The following LPCAT1 variants were observed in gnomAD, a reference collection of about 807,000 sequenced individuals.
The protein encoded by LPCAT1 is lysophosphatidylcholine acyltransferase 1, also known as 1-acylglycerol-3-phosphate O-acyltransferase.
Under a neutral mutation model 60.9 loss-of-function variants are expected in LPCAT1, and 23 were observed. The observed-to-expected ratio is 0.38, with a 90% CI of 0.27 to 0.53. LPCAT1 has a LOEUF of 0.53. Ranked by LOEUF, LPCAT1 falls within the 20% of genes least tolerant of loss-of-function variation. The pLI is 0.82. For missense variants in LPCAT1, 622 were observed against 723.6 expected (o/e 0.86, Z 1.61); for synonymous variants, 340 against 301.1 (o/e 1.13, Z -1.34).
Position 1,473,975 on chromosome 5 carries a change from C to T in LPCAT1, c.1161G>A (p.Met387Ile). ...EVPVSDLLEDMFSLFDESGSG... is the reference protein window; with the variant it reads ...EVPVSDLLEDIFSLFDESGSG... ...GCCCTACCTCGTCGAACAGTGAAAA[C>T]ATGTCTTCCAGCAAGTCAGAAACGG... Residue 387 changes from methionine (M) to isoleucine (I), a missense_variant, in exon 11 of 14, where the codon ATG (methionine) becomes ATA (isoleucine). Met to Ile is a conservative substitution (Grantham distance 10). Transcript: ENST00000283415. 1 of 1,614,186 alleles carries T rather than the reference C, an allele frequency of 6.2e-7. No homozygotes were observed. Among genetic ancestry groups the T allele is most frequent in the Non-Finnish European group, 8.5e-7 (1 of 1,180,040 alleles).
chr5:1,502,306 T>C lies in LPCAT1; in HGVS notation c.136-703A>G, dbSNP rs1029674089. On this transcript the variant is annotated intron_variant, in intron 1 of 13. Coordinates refer to ENST00000283415, the MANE Select transcript of LPCAT1 (RefSeq NM_024830.5). This position sits in a 1 kb window ranked among gnomAD's most constrained non-coding sequence, Gnocchi z 5.5. ...AGCCCCGCAGGCCTCACTCAGCAGT[T>C]TCCCCTGAAATCGTTTATGTGGACA... Among the ~76,000 whole-genome samples the C allele has an allele frequency of 1.3e-5, 2 of 152,066 alleles. No individual in the cohort carries two copies. Among genetic ancestry groups the C allele is most frequent in the African/African-American group, 2.4e-5 (1 of 41,382 alleles).
chr5:1,477,026 G>A lies in LPCAT1; in HGVS notation c.899+378C>T, dbSNP rs1437471611. 1.3e-5 allele frequency among the ~76,000 whole-genome samples: 2 copies of A among 152,234 alleles called. No individual in the cohort carries two copies. The highest frequency in any genetic ancestry group is 2.4e-5 in the African/African-American group (1 of 41,454). On this transcript the variant is annotated intron_variant, in intron 9 of 13. Transcript: ENST00000283415. This position sits in a 1 kb window ranked among gnomAD's most constrained non-coding sequence, Gnocchi z 6.0. ...CTCTGCCAGATAGAGTAAGGGCACC[G>A]GTAAGTATCACACAGGCAGATGAGC...
chr5:1,471,105 G>C (rs993416646), intron 11 of LPCAT1, among the ~76,000 whole-genome samples, 181 bp from the exon 12 acceptor site: 1 of 152,214 alleles, frequency 6.6e-6, no homozygotes, highest in African/African-American at 2.4e-5. Flanking sequence ...CAAGGTCACT[G>C]TGCTGTGTAC....
chr5:1,479,358 G>A (rs1307516118), intron 8 of LPCAT1: 1 of 512,422 alleles, frequency 2.0e-6, no homozygotes, highest in East Asian at 3.2e-5. Flanking sequence ...CTGGGCAACA[G>A]AGCAAGACAA....
chr5:1,493,858 C>T (rs1444365538), intron 3 of LPCAT1, among the ~76,000 whole-genome samples: 5 of 152,220 alleles, frequency 3.3e-5, no homozygotes, highest in Non-Finnish European at 7.3e-5. Context: ...AGAGGTAACT[C>T]GTTAAGGATC....
At chr5:1,494,107 CT>C (rs2126565000) in intron 3 of LPCAT1, among the ~76,000 whole-genome samples, 1 of 151,738 alleles carries the variant, frequency 6.6e-6, no homozygotes, top group East Asian at 2.0e-4. Context: ...GAGCCCCCGG[CT>C]TTGGGGAGGG....
At chr5:1,466,662 G>A (rs1174172516) in intron 13 of LPCAT1, 87 bp downstream of exon 13, 13 of 1,427,630 alleles carry the variant, frequency 9.1e-6, no homozygotes, top group African/African-American at 4.3e-5. Flanking sequence ...CTCCACTCCT[G>A]TCCTGGGCTC....
chr5:1,474,153 G>A (rs999332382), intron 10 of LPCAT1, 43 bp from the exon 11 acceptor site: 9 of 1,588,354 alleles, frequency 5.7e-6, no homozygotes, highest in African/African-American at 1.4e-5. Flanking sequence ...CAATAAAATG[G>A]TGGCATGCTA....
rs1735722240 is a variant in LPCAT1 at position 1,494,832 on chromosome 5, G to T, written c.361C>A (p.Gln121Lys). 1 of 1,613,458 alleles carries T rather than the reference G, an allele frequency of 6.2e-7. No homozygotes were observed. Among genetic ancestry groups the T allele is most frequent in the Admixed American group, 1.7e-5 (1 of 59,986 alleles). The change falls in exon 3 of 14, where the codon CAG becomes AAG. Residue 121 changes from glutamine (Q) to lysine (K), a missense_variant. Coordinates refer to ENST00000283415, the MANE Select transcript of LPCAT1 (RefSeq NM_024830.5). ...ATGGCCGCCTCGGTGGGCAGCGCCT[G>T]CCGCCCCTTCACGGCCACCCGGTGG... Reference protein sequence around the residue: ...GFHRVAVKGRQALPTEAAILT... With the variant: ...GFHRVAVKGRKALPTEAAILT...
At position 1,483,520 on chromosome 5, in the gene LPCAT1, C is replaced by T; in HGVS notation, c.668-34G>A. On this transcript the variant is annotated intron_variant, in intron 5 of 13. Transcript: ENST00000283415. This position sits in a 1 kb window ranked among gnomAD's most constrained non-coding sequence, Gnocchi z 9.2. ...AAAGGAACAGCGGTGTTGCCCATGG[C>T]AGCCCACGCAGGACAGCGTCTGCTG... The T allele has an allele frequency of 6.2e-7, 1 of 1,609,134 alleles. No individual in the cohort carries two copies. Among genetic ancestry groups the T allele is most frequent in the Non-Finnish European group, 8.5e-7 (1 of 1,176,242 alleles).
intron 1 of LPCAT1, among the ~76,000 whole-genome samples, chr5:1,504,748 C>G (rs1414125719): frequency 1.4e-5 from 2 of 147,416 alleles, no homozygotes; most frequent in Non-Finnish European, 3.0e-5. Flanking sequence ...CAATAAGTTA[C>G]TGGGTAAGTT....
intron 1 of LPCAT1, among the ~76,000 whole-genome samples, chr5:1,517,607 C>T (rs914257240): frequency 1.8e-4 from 27 of 152,120 alleles, no homozygotes; most frequent in African/African-American, 5.8e-4. Context: ...TGAAGCAGGG[C>T]TCCTGAGTGG....
rs1181094666 is a variant in LPCAT1, at chr5:1,521,700, C to T, written c.135+2010G>A. On this transcript the variant is annotated intron_variant, in intron 1 of 13. Transcript: ENST00000283415. This position sits in a 1 kb window ranked among gnomAD's most constrained non-coding sequence, Gnocchi z 4.3. ...AAGCAAGCCCCCTCTCTGAGAGGCC[C>T]CAACACCTCAAGCCAGGATCTCTGC... is the stretch of plus-strand genomic sequence containing the variant. Among the ~76,000 whole-genome samples the T allele has an allele frequency of 6.6e-6, 1 of 152,198 alleles. No homozygotes were observed. Among genetic ancestry groups the T allele is most frequent in the African/African-American group, 2.4e-5 (1 of 41,448 alleles).
chr5:1,464,658 CAA>C (rs869245413), intron 13 of LPCAT1, among the ~76,000 whole-genome samples: 1 of 113,718 alleles, frequency 8.8e-6, no homozygotes, highest in African/African-American at 3.0e-5. Context: ...CACACACACA[CAA>C]AAGCACGCAC....
In LPCAT1 at chr5:1,489,897, C is replaced by A. The variant is rs773523436; in HGVS notation, c.494-39G>T. On this transcript the variant is annotated intron_variant, in intron 3 of 13. Coordinates refer to ENST00000283415, the MANE Select transcript of LPCAT1 (RefSeq NM_024830.5). ...GGGGAGACGGATCACGTGGAATGCA[C>A]GGCTCCCGCCAGGCAGGGCTGAGGA... 2.8e-6 allele frequency: 4 copies of A among 1,439,842 alleles called. No homozygotes were observed. The South Asian group carries it at 4.6e-5, about 16-fold the overall frequency. 89.2% of individuals were successfully genotyped at this position (1,439,842 alleles called of 1,614,324 possible). A position where few individuals can be genotyped will look rare whatever the true frequency, so the allele number is the denominator to read the frequency against.
chr5:1,479,532 G>C (rs1160286005), intron 8 of LPCAT1, 89 bp downstream of exon 8: 8 of 959,466 alleles, frequency 8.3e-6, no homozygotes, highest in Non-Finnish European at 1.0e-5. Flanking sequence ...ATGCCACATT[G>C]TACAAGGCTT....
At chr5:1,499,351 C>T (rs55848914) in intron 2 of LPCAT1, among the ~76,000 whole-genome samples, 25,909 of 152,122 alleles carry the variant, frequency 0.17, 2,341 homozygotes, top group East Asian at 0.24. Flanking sequence ...GAAAGCACCA[C>T]GAAGCCATTG....
rs1166256991 is a variant in LPCAT1 at position 1,476,033 on chromosome 5, T to C, written c.900-1348A>G. 6.6e-6 allele frequency among the ~76,000 whole-genome samples: 1 copy of C among 152,194 alleles called. No individual in the cohort carries two copies. The highest frequency in any genetic ancestry group is 2.4e-5 in the African/African-American group (1 of 41,430). ...ATTTGGAGTGGGGTTTTAAGAGAAT[T>C]CTGAATTACTACAATGGAAATGGCA... On this transcript the variant is annotated intron_variant, in intron 9 of 13. Coordinates refer to ENST00000283415, the MANE Select transcript of LPCAT1 (RefSeq NM_024830.5). The surrounding 1 kb of genome is among the most constrained non-coding windows in gnomAD (Gnocchi z 8.6).
In LPCAT1 at chr5:1,495,032, C is replaced by T. The variant is rs1735734723; in HGVS notation, c.279-118G>A. On this transcript the variant is annotated intron_variant, in intron 2 of 13. Coordinates refer to ENST00000283415, the MANE Select transcript of LPCAT1 (RefSeq NM_024830.5). The surrounding 1 kb of genome is among the most constrained non-coding windows in gnomAD (Gnocchi z 4.7). Reference sequence around the variant, plus strand: ...GGGCGCAGTCCAGGCCACGGGCTTCCTGTGGTCGCCGCCGCTGGGACATCT... The same window carrying T: ...GGGCGCAGTCCAGGCCACGGGCTTCTTGTGGTCGCCGCCGCTGGGACATCT... 4 of 892,252 alleles carry T rather than the reference C, an allele frequency of 4.5e-6. No individual in the cohort carries two copies. Among genetic ancestry groups the T allele is most frequent in the Admixed American group, 2.8e-5 (1 of 35,894 alleles). 55.3% of individuals were successfully genotyped at this position (892,252 alleles called of 1,614,324 possible). A position where few individuals can be genotyped will look rare whatever the true frequency, so the allele number is the denominator to read the frequency against.
Sources: gnomAD v4.1 joint callset for allele counts (sites outside exome capture counted in the v4.1 genomes callset) on GRCh38, gnomAD v4.1.1 for gene constraint, Gnocchi (gnomAD v3.1) non-coding constraint, MANE v1.5 for transcripts, NCBI Gene and HGNC (gene_info 2026-07-23, HGNC 2026-07-21) for gene names.